Variants in ZNF727 observed in about 807,000 individuals in gnomAD.
ZNF727 encodes the protein putative zinc finger protein 727.
Under a neutral mutation model 11.5 loss-of-function variants are expected in ZNF727, and 11 were observed. The ratio of observed to expected loss-of-function variants is 0.95; its 90% CI spans 0.60 to 1.58. ZNF727 has a LOEUF of 1.58. Among genes scored for constraint, ZNF727 ranks in the 40% most tolerant of loss-of-function variants. The probability of loss-of-function intolerance (pLI) is 0.00; values close to 1 mark genes in which losing one functional copy is unlikely to be tolerated. For missense variants in ZNF727, 533 were observed against 581.7 expected (o/e 0.92, Z 0.86); for synonymous variants, 171 against 196.1 (o/e 0.87, Z 1.07).
At chr7:64,074,668 A>G (rs919617227) in intron 3 of ZNF727, among the ~76,000 whole-genome samples, 3 of 152,190 alleles carry the variant, frequency 2.0e-5, no homozygotes, top group African/African-American at 7.2e-5. Flanking sequence ...AGTACAAAGC[A>G]TCTGATTAAG....
In ZNF727 at chr7:64,078,567, C is replaced by T. The variant is rs773725426; in HGVS notation, c.*18C>T. On this transcript the variant is annotated 3_prime_UTR_variant, in exon 4 of 4. Transcript: ENST00000456806. Reference sequence around the variant, plus strand: ...TAAGGTAATTCATACTGGAGATAAACCTTACAAATGTAATGAATGTGGAAA... The same window carrying T: ...TAAGGTAATTCATACTGGAGATAAATCTTACAAATGTAATGAATGTGGAAA... 4.5e-6 allele frequency: 7 copies of T among 1,555,608 alleles called. No individual in the cohort carries two copies. In the African/African-American group the frequency reaches 8.2e-5, roughly 18 times the overall value.
chr7:64,077,813 C>G lies in ZNF727; in HGVS notation c.764C>G (p.Pro255Arg), dbSNP rs538117579. ...KHKRNHTGDR[P>R]YKCEECHKAF... ...AAGAGAAATCATACTGGAGACAGAC[C>G]CTACAAATGCGAAGAATGTCACAAA... The change falls in exon 4 of 4, where the codon CCC (proline) becomes CGC (arginine). Residue 255 changes from proline (P) to arginine (R), a missense_variant. Pro to Arg is a moderately radical substitution (Grantham distance 103). Around this residue, in one of 3 missense-constraint regions of ZNF727, gnomAD observed 463 missense variants for 494.5 expected, o/e 0.94. Transcript: ENST00000456806. 6.4e-7 allele frequency: 1 copy of G among 1,569,306 alleles called. No individual in the cohort carries two copies. The highest frequency in any genetic ancestry group is 8.6e-7 in the Non-Finnish European group (1 of 1,156,928).
Position 64,080,374 on chromosome 7 carries a change from G to A in ZNF727, c.*1825G>A, listed in dbSNP as rs1417426747. 1.3e-5 allele frequency among the ~76,000 whole-genome samples: 2 copies of A among 151,710 alleles called. No homozygotes were observed. The highest frequency in any genetic ancestry group is 2.9e-5 in the Non-Finnish European group (2 of 67,968). The stretch of plus-strand genomic sequence containing the variant: ...TCTTTATACTTTTTTCACTATTCTT[G>A]TCTGTCTTATTTCAGAAAGCCAGTC... On this transcript the variant is annotated 3_prime_UTR_variant, in exon 4 of 4. Coordinates refer to ENST00000456806, the MANE Select transcript of ZNF727 (RefSeq NM_001159522.3).
At chr7:64,059,966 A>C (rs1390188112) in intron 1 of ZNF727, among the ~76,000 whole-genome samples, 2 of 152,148 alleles carry the variant, frequency 1.3e-5, no homozygotes, top group Non-Finnish European at 2.9e-5. Flanking sequence ...TTGAAATGTA[A>C]ATGGTTTACA....
At chr7:64,068,100 C>T (rs1310154353) in intron 1 of ZNF727, among the ~76,000 whole-genome samples, 10 of 151,874 alleles carry the variant, frequency 6.6e-5, no homozygotes, top group African/African-American at 9.7e-5. Context: ...TAATCAGCAC[C>T]GGATACAAAT....
intron 1 of ZNF727, among the ~76,000 whole-genome samples, chr7:64,064,025 G>A (rs1789823694): frequency 6.6e-6 from 1 of 152,154 alleles, no homozygotes; most frequent in African/African-American, 2.4e-5. Flanking sequence ...CTTCAGGGCA[G>A]TGGGTTCTTC....
intron 1 of ZNF727, among the ~76,000 whole-genome samples, chr7:64,056,317 A>C (rs1789685962): frequency 6.6e-6 from 1 of 152,202 alleles, no homozygotes; most frequent in African/African-American, 2.4e-5. Flanking sequence ...TATTCTAAGA[A>C]GTGCTAAGAT....
chr7:64,070,827 G>A (rs1380373888), intron 3 of ZNF727, among the ~76,000 whole-genome samples: 2 of 151,860 alleles, frequency 1.3e-5, no homozygotes, highest in African/African-American at 4.8e-5. Flanking sequence ...CTTCTTCTAG[G>A]AGTCCAACCT....
intron 1 of ZNF727, among the ~76,000 whole-genome samples, chr7:64,053,467 T>C (rs1467940505): frequency 2.6e-5 from 4 of 152,092 alleles, no homozygotes; most frequent in Admixed American, 2.6e-4. Context: ...ATTACAGGTG[T>C]GTGCCATTAT....
intron 1 of ZNF727, among the ~76,000 whole-genome samples, chr7:64,059,358 T>G (rs1255641325): frequency 6.6e-6 from 1 of 152,376 alleles, no homozygotes; most frequent in South Asian, 2.1e-4. Context: ...TTAATTTTTT[T>G]GTAAATCTTT....
intron 1 of ZNF727, among the ~76,000 whole-genome samples, chr7:64,049,319 C>G (rs1315654428): frequency 6.6e-6 from 1 of 151,626 alleles, no homozygotes; most frequent in Non-Finnish European, 1.5e-5. Context: ...ATCTTTTATT[C>G]TTTCAATTTT....
At chr7:64,046,623 G>A (rs1789511965) in intron 1 of ZNF727, among the ~76,000 whole-genome samples, 1 of 152,212 alleles carries the variant, frequency 6.6e-6, no homozygotes, top group Admixed American at 6.5e-5. Flanking sequence ...CCCCCCAGAA[G>A]CAGATGCTGG....
intron 1 of ZNF727, among the ~76,000 whole-genome samples, chr7:64,046,678 C>T (rs1299879020): frequency 6.6e-6 from 1 of 152,196 alleles, no homozygotes; most frequent in Non-Finnish European, 1.5e-5. Flanking sequence ...GCCAGTTAAT[C>T]CTCTTTCTTA....
At chr7:64,077,229 C>G (rs752218989) in intron 3 of ZNF727, 47 bp from the exon 4 acceptor site, 30 of 1,457,336 alleles carry the variant, frequency 2.1e-5, no homozygotes, top group Non-Finnish European at 2.7e-5. Context: ...GTGTATTCAC[C>G]TAAGTCTGAT....
chr7:64,082,242 C>T lies in ZNF727; in HGVS notation c.*3693C>T, dbSNP rs1034719269. 2.6e-5 allele frequency among the ~76,000 whole-genome samples: 4 copies of T among 152,182 alleles called. No homozygotes were observed. Among genetic ancestry groups the T allele is most frequent in the Non-Finnish European group, 4.4e-5 (3 of 68,040 alleles). ...GTTGCTACTGGCTCAATAGCTCTGG[C>T]AATGATTGGCTAGTGGCCCAGGCCT... On this transcript the variant is annotated 3_prime_UTR_variant, in exon 4 of 4. Coordinates refer to ENST00000456806, the MANE Select transcript of ZNF727 (RefSeq NM_001159522.3).
At chr7:64,070,060 AG>A (rs1268711436) in intron 3 of ZNF727, among the ~76,000 whole-genome samples, 1 of 152,080 alleles carries the variant, frequency 6.6e-6, no homozygotes, top group Non-Finnish European at 1.5e-5. Flanking sequence ...CAGAAATCCC[AG>A]GAACACCACA....
Position 64,078,464 on chromosome 7 carries a change from G to C in ZNF727, c.1415G>C (p.Arg472Thr). 1 of 1,570,968 alleles carries C rather than the reference G, an allele frequency of 6.4e-7. No homozygotes were observed. ...TCCTCAAGCCTTATTAAACACAAGAGAAGTCATACTGGAGACAGACCTACA... is the reference window on the plus strand; with the variant it reads ...TCCTCAAGCCTTATTAAACACAAGACAAGTCATACTGGAGACAGACCTACA... ...TCSSSLIKHK[R>T]SHTGDRPTSA... The change falls in exon 4 of 4, where the codon AGA becomes ACA. Residue 472 changes from arginine to threonine, a missense_variant. Coordinates refer to ENST00000456806, the MANE Select transcript of ZNF727 (RefSeq NM_001159522.3).
intron 3 of ZNF727, among the ~76,000 whole-genome samples, chr7:64,071,313 G>A (rs1789959084): frequency 6.6e-6 from 1 of 151,886 alleles, no homozygotes; most frequent in South Asian, 2.1e-4. Context: ...GTCCTAACAG[G>A]TATAAAGTAA....
chr7:64,051,195 G>A (rs1157761336), intron 1 of ZNF727, among the ~76,000 whole-genome samples: 2 of 152,224 alleles, frequency 1.3e-5, no homozygotes, highest in African/African-American at 4.8e-5. Context: ...GAAATTTTAA[G>A]TTGAAGGCAT....
Sources: allele counts gnomAD v4.1 joint callset (sites outside exome capture counted in the v4.1 genomes callset), GRCh38; gene constraint gnomAD v4.1.1; regional missense constraint gnomAD v4.1.1; transcripts MANE v1.5; gene names NCBI Gene and HGNC (gene_info 2026-07-23, HGNC 2026-07-21).